Variants in ALPL observed in about 807,000 individuals in gnomAD.
ALPL encodes alkaline phosphatase, tissue-nonspecific isozyme.
ALPL carries 42 observed loss-of-function variants against 51.3 expected under a neutral mutation model. The observed-to-expected ratio is 0.82, with a 90% CI of 0.64 to 1.06. The LOEUF is 1.06. ALPL is among the 50% of genes least tolerant of loss of function. The pLI is 0.00. For synonymous variants in ALPL, 279 were observed against 296.4 expected, an observed-to-expected ratio of 0.94 and a Z score of 0.60; for missense variants, 589 against 709.4, an observed-to-expected ratio of 0.83 and a Z score of 1.93.
intron 1 of ALPL, among the ~76,000 whole-genome samples, chr1:21,513,157 G>C (rs974295454): frequency 1.3e-5 from 2 of 151,972 alleles, no homozygotes; most frequent in Non-Finnish European, 2.9e-5. Flanking sequence ...ATTTCAGTTG[G>C]AAGGCCTTTA....
intron 1 of ALPL, among the ~76,000 whole-genome samples, chr1:21,525,169 G>C (rs1019622805): frequency 2.0e-5 from 3 of 152,228 alleles, no homozygotes; most frequent in African/African-American, 7.2e-5. Context: ...TGGAGGAAAC[G>C]GATGCTTTCC....
chr1:21,563,817 C>T (rs915183906), intron 5 of ALPL, among the ~76,000 whole-genome samples: 6 of 152,300 alleles, frequency 3.9e-5, no homozygotes, highest in Admixed American at 2.0e-4. Flanking sequence ...TCTCAAGGGC[C>T]TTCGGGGTGA....
At chr1:21,553,148 C>CA (rs1644355260) in intron 1 of ALPL, among the ~76,000 whole-genome samples, 1 of 22,922 alleles carries the variant, frequency 4.4e-5, no homozygotes, top group African/African-American at 9.6e-5. Context: ...TATTTCCTTC[C>CA]AGTTTTTTTT....
chr1:21,564,780 A>G lies in ALPL; in HGVS notation c.648+564A>G, dbSNP rs1007288494. On this transcript the variant is annotated intron_variant, in intron 6 of 11. Coordinates refer to ENST00000374840, the MANE Select transcript of ALPL (RefSeq NM_000478.6). The surrounding 1 kb of genome is among the most constrained non-coding windows in gnomAD (Gnocchi z 5.8). ...CTTTGTGAACTGTACCTGCCTCATA[A>G]GCTTATGCCAAGAACTGATTAAGAT... Among the ~76,000 whole-genome samples the G allele has an allele frequency of 6.6e-6, 1 of 152,176 alleles. No individual in the cohort carries two copies. The highest frequency in any genetic ancestry group is 1.5e-5 in the Non-Finnish European group (1 of 68,034).
At chr1:21,554,829 C>CTTTCTTTCTTTCTCTCTTTCTTTCTT (rs1558543971) in intron 2 of ALPL, among the ~76,000 whole-genome samples, 31 of 123,040 alleles carry the variant, frequency 2.5e-4, no homozygotes, top group African/African-American at 9.0e-4. Flanking sequence ...TTCTTTCTTT[C>CTTTCTTTCTTTCTCTCTTTCTTTCTT]TTTCTTTCTT....
Position 21,554,000 on chromosome 1 carries a change from T to C in ALPL, c.-82T>C, listed in dbSNP as rs1644365152. ...TAGGATTGGAACATCAGTTAACATC[T>C]GACCACTGCCAGCCCACCCCCTCCC... On this transcript the variant is annotated 5_prime_UTR_variant, in exon 2 of 12. Coordinates refer to ENST00000374840, the MANE Select transcript of ALPL (RefSeq NM_000478.6). 1.8e-6 allele frequency: 2 copies of C among 1,137,914 alleles called. No individual in the cohort carries two copies. Among genetic ancestry groups the C allele is most frequent in the African/African-American group, 1.5e-5 (1 of 65,588 alleles). The allele number at this position is 1,137,914 out of a possible 1,614,324, so 70.5% of individuals were successfully genotyped here.
intron 1 of ALPL, among the ~76,000 whole-genome samples, chr1:21,513,447 G>A (rs1423227948): frequency 6.6e-6 from 1 of 152,190 alleles, no homozygotes; most frequent in African/African-American, 2.4e-5. Context: ...TTAAGCTCAG[G>A]AGAGCTGAGC....
intron 1 of ALPL, among the ~76,000 whole-genome samples, chr1:21,522,772 G>A (rs562154460): frequency 6.6e-6 from 1 of 152,316 alleles, no homozygotes; most frequent in South Asian, 2.1e-4. Flanking sequence ...TGGCAGGAGG[G>A]AGCCCCGAAT....
At chr1:21,553,878 C>T (rs941549440) in intron 1 of ALPL, 100 bp from the exon 2 acceptor site, 7 of 615,298 alleles carry the variant, frequency 1.1e-5, no homozygotes, top group African/African-American at 5.5e-5. Context: ...AGGTGCTCAC[C>T]GAATACTTGT....
chr1:21,516,190 T>G (rs1271352747), intron 1 of ALPL, among the ~76,000 whole-genome samples: 1 of 152,158 alleles, frequency 6.6e-6, no homozygotes, highest in Non-Finnish European at 1.5e-5. Context: ...AGCCTGGCCT[T>G]TTGGAGGATC....
chr1:21,513,314 A>G (rs1177311922), intron 1 of ALPL, among the ~76,000 whole-genome samples: 1 of 152,166 alleles, frequency 6.6e-6, no homozygotes, highest in Non-Finnish European at 1.5e-5. Context: ...TGATCTTTCC[A>G]AAGGCAACCA....
chr1:21,573,838 A>G, intron 9 of ALPL, 39 bp downstream of exon 9: 1 of 1,613,732 alleles, frequency 6.2e-7, no homozygotes, highest in Non-Finnish European at 8.5e-7. Context: ...GCTGCTGGAA[A>G]CACGGCCCTG....
chr1:21,534,255 T>C (rs1187370576), intron 1 of ALPL, among the ~76,000 whole-genome samples: 1 of 152,210 alleles, frequency 6.6e-6, no homozygotes, highest in Non-Finnish European at 1.5e-5. Flanking sequence ...GGATTACACG[T>C]GTCAGCCACC....
At chr1:21,559,873 G>A (rs1644460907) in intron 2 of ALPL, among the ~76,000 whole-genome samples, 1 of 152,014 alleles carries the variant, frequency 6.6e-6, no homozygotes, top group African/African-American at 2.4e-5. Context: ...TTGGTTGCTG[G>A]ACACACACAC....
chr1:21,567,095 C>A (rs1355291035), intron 6 of ALPL, among the ~76,000 whole-genome samples: 1 of 152,172 alleles, frequency 6.6e-6, no homozygotes, highest in Non-Finnish European at 1.5e-5. Context: ...CCTGTGCATT[C>A]CACAAAACCT....
At chr1:21,561,271 C>G in intron 4 of ALPL, 59 bp downstream of exon 4, 5 of 1,442,310 alleles carry the variant, frequency 3.5e-6, no homozygotes, top group Non-Finnish European at 4.8e-6. Flanking sequence ...GGTCGAGCAT[C>G]TGAACATGAC....
Position 21,568,103 on chromosome 1 carries a change from G to C in ALPL, c.649-1G>C. 6.2e-7 allele frequency: 1 copy of C among 1,614,074 alleles called. No individual in the cohort carries two copies. The highest frequency in any genetic ancestry group is 8.5e-7 in the Non-Finnish European group (1 of 1,180,024). ...GAAGTGATGGCTCCTGTCTCTTTTA[G>C]GTGATCATGGGGGGTGGCCGGAAAT... On this transcript the variant is annotated splice_acceptor_variant, in intron 6 of 11. Transcript: ENST00000374840. LOFTEE classifies it high-confidence loss of function.
Position 21,509,692 on chromosome 1 carries a change from C to A in ALPL, c.-105+175C>A, listed in dbSNP as rs939462689. On this transcript the variant is annotated intron_variant, in intron 1 of 11. Coordinates refer to ENST00000374840, the MANE Select transcript of ALPL (RefSeq NM_000478.6). This position sits in a 1 kb window ranked among gnomAD's most constrained non-coding sequence, Gnocchi z 6.0. ...GGGACGCCCTGCAATTGGTCCTGCC[C>A]CTGTCCTCCCGCGCATCCCAAGCTC... 6.6e-6 allele frequency among the ~76,000 whole-genome samples: 1 copy of A among 152,172 alleles called. No individual in the cohort carries two copies. The highest frequency in any genetic ancestry group is 1.5e-5 in the Non-Finnish European group (1 of 68,030).
At position 21,563,934 on chromosome 1, in the gene ALPL, A is replaced by T. The variant is rs1644524366; in HGVS notation, c.473-107A>T. On this transcript the variant is annotated intron_variant, in intron 5 of 11. Transcript: ENST00000374840. Reference sequence around the variant, plus strand: ...AGACTGAGACCCGGGCAATCCTCAGAACTGAAGCGGGGGCCTGTCTTTAGC... The same window carrying T: ...AGACTGAGACCCGGGCAATCCTCAGTACTGAAGCGGGGGCCTGTCTTTAGC... 3 of 1,432,540 alleles carry T rather than the reference A, an allele frequency of 2.1e-6. No individual in the cohort carries two copies. In the African/African-American group the frequency reaches 4.2e-5, roughly 20 times the overall value. 88.7% of individuals were successfully genotyped at this position (1,432,540 alleles called of 1,614,324 possible).
Sources: gnomAD v4.1 joint callset for allele counts (sites outside exome capture counted in the v4.1 genomes callset) on GRCh38, gnomAD v4.1.1 for gene constraint, Gnocchi (gnomAD v3.1) non-coding constraint, MANE v1.5 for transcripts, NCBI Gene and HGNC (gene_info 2026-07-23, HGNC 2026-07-21) for gene names.